TNNC2: variants seen among roughly 807,000 people sequenced by gnomAD.
The protein encoded by TNNC2 is troponin C, skeletal muscle.
TNNC2 carries 14 observed loss-of-function variants against 20.0 expected under a neutral mutation model. The ratio of observed to expected loss-of-function variants is 0.70; its 90% confidence interval spans 0.46 to 1.09. TNNC2 has a LOEUF of 1.09. Among genes scored for constraint, TNNC2 ranks in the 50% least tolerant of loss-of-function variants. The probability of loss-of-function intolerance (pLI) is 0.00; values close to 1 mark genes in which losing one functional copy is unlikely to be tolerated. For synonymous variants in TNNC2, 81 were observed against 77.3 expected (o/e 1.05, Z -0.25); for missense variants, 163 against 223.8 (o/e 0.73, Z 1.73).
chr20:45,827,707 C>T (rs889740304), upstream of TNNC2, among the ~76,000 whole-genome samples: 1 of 152,144 alleles, frequency 6.6e-6, no homozygotes, highest in Admixed American at 6.5e-5. Flanking sequence ...AGTTGTGTGA[C>T]CTTGGGCCGG....
intron 1 of TNNC2, among the ~76,000 whole-genome samples, chr20:45,825,550 C>T (rs1241509375): frequency 1.3e-5 from 2 of 152,094 alleles, no homozygotes; most frequent in Non-Finnish European, 2.9e-5. Flanking sequence ...CCTCGGCTTC[C>T]CAAAGTGCTG....
intron 2 of TNNC2, 48 bp from the exon 3 acceptor site, chr20:45,824,686 C>A: frequency 1.9e-6 from 3 of 1,602,128 alleles, no homozygotes; most frequent in Non-Finnish European, 2.5e-6. Context: ...GGACTGTCAG[C>A]CTCACACCTA....
intron 1 of TNNC2, among the ~76,000 whole-genome samples, chr20:45,826,639 T>G (rs1015490370): frequency 3.9e-5 from 6 of 152,350 alleles, no homozygotes; most frequent in African/African-American, 1.4e-4. Flanking sequence ...CAACAGCAGC[T>G]GGCCTCTGGG....
chr20:45,823,438 A>AG lies in TNNC2; in HGVS notation c.452-60dup. 6.6e-7 allele frequency: 1 copy of AG among 1,523,382 alleles called. No individual in the cohort carries two copies. The highest frequency in any genetic ancestry group is 1.2e-5 in the South Asian group (1 of 83,244). 94.4% of individuals were successfully genotyped at this position (1,523,382 alleles called of 1,614,324 possible). On this transcript the variant is annotated intron_variant, in intron 5 of 5. Coordinates refer to ENST00000372555, the MANE Select transcript of TNNC2 (RefSeq NM_003279.3). This position sits in a 1 kb window ranked among gnomAD's most constrained non-coding sequence, Gnocchi z 4.6. Reference sequence around the variant, plus strand: ...CCACTGGGGACGCAGAGGCCAGGCCAGGGCTCCAGCCACACAGAGGGGATG... The same window carrying AG: ...CCACTGGGGACGCAGAGGCCAGGCCAGGGGCTCCAGCCACACAGAGGGGATG...
chr20:45,824,685 G>C (rs780344549), intron 2 of TNNC2, 47 bp from the exon 3 acceptor site: 1 of 1,602,094 alleles, frequency 6.2e-7, no homozygotes, highest in Non-Finnish European at 8.5e-7. Context: ...TGGACTGTCA[G>C]CCTCACACCT....
At position 45,823,613 on chromosome 20, in the gene TNNC2, C is replaced by T. The variant is rs378710; in HGVS notation, c.452-234G>A. On this transcript the variant is annotated intron_variant, in intron 5 of 5. Transcript: ENST00000372555. This position sits in a 1 kb window ranked among gnomAD's most constrained non-coding sequence, Gnocchi z 4.6. ...CAAGCGATCCTCTTACCTCAGCCCCCGGAGCAACTGGGACCACAGGTGTGC... is the reference window on the plus strand; with the variant it reads ...CAAGCGATCCTCTTACCTCAGCCCCTGGAGCAACTGGGACCACAGGTGTGC... 2.0e-5 allele frequency among the ~76,000 whole-genome samples: 3 copies of T among 151,974 alleles called. No homozygotes were observed. The highest frequency in any genetic ancestry group is 3.4e-3 in the Middle Eastern group (1 of 294).
upstream of TNNC2, among the ~76,000 whole-genome samples, chr20:45,832,182 T>G (rs1334765888): frequency 6.6e-6 from 1 of 152,136 alleles, no homozygotes. Context: ...TGGTGGCACA[T>G]GCCTGTAGTC....
upstream of TNNC2, chr20:45,827,394 C>A: frequency 1.9e-6 from 2 of 1,034,898 alleles, no homozygotes; most frequent in Non-Finnish European, 2.9e-6. Context: ...GGAGACCCTG[C>A]CCAATCAGAT....
rs373226229 is a variant in TNNC2, at chr20:45,824,410, C to T, written c.200-4G>A. 2.5e-6 allele frequency: 4 copies of T among 1,610,554 alleles called. No individual in the cohort carries two copies. The highest frequency in any genetic ancestry group is 2.7e-5 in the African/African-American group (2 of 74,926). On this transcript the variant is annotated splice_region_variant and splice_polypyrimidine_tract_variant and intron_variant, in intron 3 of 5. Coordinates refer to ENST00000372555, the MANE Select transcript of TNNC2 (RefSeq NM_003279.3). ...TCGAAGTCGATGGTGCCGCTGCCTG[C>T]GGGCAGCAGGTGGCAGACTGAGCCT...
upstream of TNNC2, among the ~76,000 whole-genome samples, chr20:45,829,022 C>T (rs1352760761): frequency 6.6e-6 from 1 of 152,070 alleles, no homozygotes; most frequent in East Asian, 1.9e-4. Context: ...ACTCTGTCAC[C>T]CAGGCTGGAA....
upstream of TNNC2, chr20:45,827,364 C>T: frequency 2.2e-6 from 3 of 1,367,610 alleles, no homozygotes; most frequent in South Asian, 3.7e-5. Flanking sequence ...TCCCCTCCCA[C>T]CTCCCTGCTC....
In TNNC2 at chr20:45,824,496, G is replaced by A. The variant is rs1982907387; in HGVS notation, c.198C>T (p.Asp66=). The part of the protein sequence containing the change: ...LDAIIEEVDE[D]GSGTIDFEEF... The stretch of plus-strand genomic sequence containing the variant: ...TGCCTCCGAGGGACACCCGCTCACC[G>A]TCCTCATCCACCTCCTCGATGATGG... Residue 66 remains aspartate (D), a splice_region_variant and synonymous_variant, in exon 3 of 6, where the codon GAC becomes GAT. Transcript: ENST00000372555. 1 of 1,613,522 alleles carries A rather than the reference G, an allele frequency of 6.2e-7. No homozygotes were observed.
intron 2 of TNNC2, 69 bp from the exon 3 acceptor site, chr20:45,824,707 A>G: frequency 2.3e-6 from 2 of 870,714 alleles, no homozygotes; most frequent in Non-Finnish European, 3.3e-6. Context: ...CCCCCCCCCA[A>G]CCCCCACCCT....
chr20:45,826,011 C>A (rs1317217058), intron 1 of TNNC2, among the ~76,000 whole-genome samples: 1 of 149,536 alleles, frequency 6.7e-6, no homozygotes, highest in African/African-American at 2.5e-5. Flanking sequence ...GGGAACCCCC[C>A]CCACCCCCCA....
In TNNC2 at chr20:45,823,652, T is replaced by TTTTTA. The variant is rs971535376; in HGVS notation, c.452-278_452-274dup. On this transcript the variant is annotated intron_variant, in intron 5 of 5. Coordinates refer to ENST00000372555, the MANE Select transcript of TNNC2 (RefSeq NM_003279.3). The surrounding 1 kb of genome is among the most constrained non-coding windows in gnomAD (Gnocchi z 4.6). ...CCACAGGTGTGCCACCACACCTGCC[T>TTTTTA]TTTTATTTTATTTTATTTTTTGTAA... 2.6e-5 allele frequency among the ~76,000 whole-genome samples: 4 copies of TTTTTA among 151,886 alleles called. No homozygotes were observed. The highest frequency in any genetic ancestry group is 4.4e-5 in the Non-Finnish European group (3 of 67,954).
In TNNC2 at chr20:45,824,704, C is replaced by CA. The variant is rs1162398738; in HGVS notation, c.56-67_56-66insT. 1.3e-5 allele frequency: 21 copies of CA among 1,578,620 alleles called. No individual in the cohort carries two copies. In the Admixed American group the frequency reaches 3.3e-4, roughly 25 times the overall value. On this transcript the variant is annotated intron_variant, in intron 2 of 5. Coordinates refer to ENST00000372555, the MANE Select transcript of TNNC2 (RefSeq NM_003279.3). The stretch of plus-strand genomic sequence containing the variant: ...CTGTCAGCCTCACACCTACCCCCCC[C>CA]CAACCCCCACCCTGCCTAGAGGCCA...
chr20:45,827,269 C>CCTCT lies in TNNC2; in HGVS notation c.-25_-22dup, dbSNP rs772245620. The CCTCT allele has an allele frequency of 3.7e-6, 6 of 1,614,136 alleles. No homozygotes were observed. In the Admixed American group the frequency reaches 8.3e-5, roughly 22 times the overall value. On this transcript the variant is annotated 5_prime_UTR_variant, in exon 1 of 6. Transcript: ENST00000372555. Reference sequence around the variant, plus strand: ...ACCATGGTTGCTGGTGACCGGGACTCCTCTGTTGCAGGTCGCCTCCTTTGC... The same window carrying CCTCT: ...ACCATGGTTGCTGGTGACCGGGACTCCTCTCTCTGTTGCAGGTCGCCTCCTTTGC...
chr20:45,823,472 T>C lies in TNNC2; in HGVS notation c.452-93A>G, dbSNP rs1237529936. 7 of 1,282,416 alleles carry C rather than the reference T, an allele frequency of 5.5e-6. No individual in the cohort carries two copies. The Admixed American group carries it at 9.8e-5, about 18-fold the overall frequency. The allele number at this position is 1,282,416 out of a possible 1,614,324, so 79.4% of individuals were successfully genotyped here. On this transcript the variant is annotated intron_variant, in intron 5 of 5. Coordinates refer to ENST00000372555, the MANE Select transcript of TNNC2 (RefSeq NM_003279.3). This position sits in a 1 kb window ranked among gnomAD's most constrained non-coding sequence, Gnocchi z 4.6. ...GCCACACAGAGGGGATGACTTTTTG[T>C]TTTTGTTTTTGTTGAGACAGAGTCT...
chr20:45,824,476 C>G lies in TNNC2; in HGVS notation c.199+19G>C. The G allele has an allele frequency of 1.2e-6, 2 of 1,613,158 alleles. No homozygotes were observed. Among genetic ancestry groups the G allele is most frequent in the Non-Finnish European group, 1.7e-6 (2 of 1,179,972 alleles). ...CGCCTCTCCCCACCATCCCCTGCCT[C>G]CGAGGGACACCCGCTCACCGTCCTC... On this transcript the variant is annotated intron_variant, in intron 3 of 5. Coordinates refer to ENST00000372555, the MANE Select transcript of TNNC2 (RefSeq NM_003279.3).
Sources: allele counts gnomAD v4.1 joint callset (sites outside exome capture counted in the v4.1 genomes callset), GRCh38; gene constraint gnomAD v4.1.1; non-coding constraint Gnocchi (gnomAD v3.1); transcripts MANE v1.5; gene names NCBI Gene and HGNC (gene_info 2026-07-23, HGNC 2026-07-21).